SP1: variants seen among roughly 807,000 people sequenced by gnomAD.
SP1 encodes transcription factor Sp1.
Under a neutral mutation model 66.3 loss-of-function variants are expected in SP1, and 6 were observed. That is an observed-to-expected ratio of 0.09 (90% CI 0.05 to 0.18). SP1 has a LOEUF of 0.18. SP1 is among the 10% of genes least tolerant of loss of function. The pLI is 1.00. For missense variants in SP1, 848 were observed against 964.5 expected, an observed-to-expected ratio of 0.88 and a Z score of 1.60; for synonymous variants, 417 against 360.8, an observed-to-expected ratio of 1.16 and a Z score of -1.77.
chr12:53,410,667 G>A (rs1350121300), intron 5 of SP1, among the ~76,000 whole-genome samples: 3 of 151,758 alleles, frequency 2.0e-5, no homozygotes, highest in East Asian at 1.9e-4. Flanking sequence ...CACCACGCCC[G>A]GCTAATTTTT....
At chr12:53,389,151 G>T (rs564894941) in intron 3 of SP1, among the ~76,000 whole-genome samples, 13 of 151,082 alleles carry the variant, frequency 8.6e-5, no homozygotes, top group Admixed American at 6.0e-4. Flanking sequence ...TTACATGATT[G>T]TGGAAGATTG....
chr12:53,381,523 C>G, intron 1 of SP1, 136 bp from the exon 2 acceptor site: 2 of 721,370 alleles, frequency 2.8e-6, no homozygotes, highest in South Asian at 4.1e-5. Flanking sequence ...CTCTGCCCTC[C>G]AATCCATTTT....
At chr12:53,402,429 GGCC>G (rs1938626734) in intron 3 of SP1, among the ~76,000 whole-genome samples, 1 of 150,188 alleles carries the variant, frequency 6.7e-6, no homozygotes, top group Non-Finnish European at 1.5e-5. Context: ...TCACCATCTT[GGCC>G]AGGCTGGTCT....
chr12:53,409,702 T>A, intron 5 of SP1, 141 bp downstream of exon 5: 1 of 747,700 alleles, frequency 1.3e-6, no homozygotes, highest in Non-Finnish European at 2.2e-6. Context: ...GGAGTTAATC[T>A]GGAAAATTTT....
At chr12:53,403,424 C>G (rs1938656396) in intron 3 of SP1, among the ~76,000 whole-genome samples, 1 of 152,108 alleles carries the variant, frequency 6.6e-6, no homozygotes. Flanking sequence ...ACAATCAGGA[C>G]TCACTGCTGC....
chr12:53,383,329 A>T lies in SP1; in HGVS notation c.1382A>T (p.Gln461Leu). The T allele has an allele frequency of 6.2e-7, 1 of 1,614,212 alleles. No individual in the cohort carries two copies. The highest frequency in any genetic ancestry group is 8.5e-7 in the Non-Finnish European group (1 of 1,180,032). Residue 461 changes from glutamine (Q) to leucine (L), a missense_variant, in exon 3 of 6, where the codon CAG (glutamine) becomes CTG (leucine). Physicochemically the swap from Gln to Leu is moderately radical, Grantham distance 113. Around this residue, in one of 7 missense-constraint regions of SP1, gnomAD observed 606 missense variants for 589.9 expected, o/e 1.03. Transcript: ENST00000327443. ...ACACCAACAGTGGGGCCCAATGGAC[A>T]GGTCAGTTGGCAGACTCTACAGCTG... ...IRTPTVGPNG[Q>L]VSWQTLQLQN...
chr12:53,391,031 G>A (rs980134326), intron 3 of SP1, among the ~76,000 whole-genome samples: 3 of 152,100 alleles, frequency 2.0e-5, no homozygotes, highest in Admixed American at 6.6e-5. Context: ...CTGTAGGAAA[G>A]TTATTATATC....
chr12:53,396,167 GCT>G (rs1166644143), intron 3 of SP1, among the ~76,000 whole-genome samples: 2 of 151,654 alleles, frequency 1.3e-5, no homozygotes, highest in Non-Finnish European at 2.9e-5. Flanking sequence ...TGTAGTCCCA[GCT>G]ACTCAGGACG....
chr12:53,405,359 T>A (rs1938708245), intron 3 of SP1, among the ~76,000 whole-genome samples: 1 of 152,140 alleles, frequency 6.6e-6, no homozygotes, highest in South Asian at 2.1e-4. Flanking sequence ...TTATCACTAT[T>A]TGTGTATGAA....
intron 1 of SP1, among the ~76,000 whole-genome samples, 169 bp downstream of exon 1, chr12:53,380,467 G>T (rs937234276): frequency 2.6e-5 from 4 of 151,266 alleles, no homozygotes; most frequent in African/African-American, 9.7e-5. Context: ...GGGCAGTGGC[G>T]GGGCCTCCGA....
chr12:53,413,004 A>G lies in SP1; in HGVS notation c.*1764A>G, dbSNP rs1938926414. Reference sequence around the variant, plus strand: ...TTGGGGATAGGTTTTCTGCTAGCCAATATTAAAAGAGACCTGCAATAAAAA... The same window carrying G: ...TTGGGGATAGGTTTTCTGCTAGCCAGTATTAAAAGAGACCTGCAATAAAAA... On this transcript the variant is annotated 3_prime_UTR_variant, in exon 6 of 6. Coordinates refer to ENST00000327443, the MANE Select transcript of SP1 (RefSeq NM_138473.3). The G allele has an allele frequency of 6.6e-6, 1 of 152,288 alleles. No homozygotes were observed. Among genetic ancestry groups the G allele is most frequent in the South Asian group, 2.1e-4 (1 of 4,802 alleles). 9.4% of individuals were successfully genotyped at this position (152,288 alleles called of 1,614,324 possible). A position where few individuals can be genotyped will look rare whatever the true frequency, so the allele number is the denominator to read the frequency against.
At chr12:53,385,261 T>G (rs1938199742) in intron 3 of SP1, among the ~76,000 whole-genome samples, 1 of 150,010 alleles carries the variant, frequency 6.7e-6, no homozygotes, top group African/African-American at 2.5e-5. Context: ...ATCACTGCAC[T>G]CCAGCCTGGT....
At chr12:53,380,656 G>C in intron 1 of SP1, 3 of 993,052 alleles carry the variant, frequency 3.0e-6, no homozygotes, top group Non-Finnish European at 3.6e-6. Flanking sequence ...GCCCCGCCCG[G>C]GCCAACCGCC....
Position 53,406,141 on chromosome 12 carries a change from G to C in SP1, c.1676-444G>C, listed in dbSNP as rs116329431. On this transcript the variant is annotated intron_variant, in intron 3 of 5. Coordinates refer to ENST00000327443, the MANE Select transcript of SP1 (RefSeq NM_138473.3). ...GGCTGGAGTACAATGGTGCAGTCTCGCTAACTGCAACCTCCGCCTCCCGGG... is the reference window on the plus strand; with the variant it reads ...GGCTGGAGTACAATGGTGCAGTCTCCCTAACTGCAACCTCCGCCTCCCGGG... Among the ~76,000 whole-genome samples the C allele has an allele frequency of 3.6e-3, 483 of 135,492 alleles. 1 individual carries two copies. Among genetic ancestry groups the C allele is most frequent in the African/African-American group, 0.011 (410 of 36,822 alleles). 88.9% of individuals were successfully genotyped at this position (135,492 alleles called of 152,430 possible).
Position 53,382,409 on chromosome 12 carries a change from C to T in SP1, c.462C>T (p.Asn154=). The stretch of plus-strand genomic sequence containing the variant: ...AGTATGTTGTGGCTGCCGCTCCCAA[C>T]TTACAGAACCAGCAAGTTCTGACAG... ...GGQYVVAAAP[N]LQNQQVLTGL... The change falls in exon 3 of 6, where the codon AAC becomes AAT. Residue 154 remains asparagine (N), a synonymous_variant. Coordinates refer to ENST00000327443, the MANE Select transcript of SP1 (RefSeq NM_138473.3). 2.5e-6 allele frequency: 4 copies of T among 1,614,204 alleles called. No individual in the cohort carries two copies. The highest frequency in any genetic ancestry group is 3.4e-6 in the Non-Finnish European group (4 of 1,180,040).
Position 53,413,052 on chromosome 12 carries a change from G to A in SP1, c.*1812G>A, listed in dbSNP as rs1032734440. 3 of 152,452 alleles carry A rather than the reference G, an allele frequency of 2.0e-5. No homozygotes were observed. Among genetic ancestry groups the A allele is most frequent in the Admixed American group, 6.6e-5 (1 of 15,222 alleles). The allele number at this position is 152,452 out of a possible 1,614,324, so 9.4% of individuals were successfully genotyped here. A position where few individuals can be genotyped will look rare whatever the true frequency, so the allele number is the denominator to read the frequency against. The stretch of plus-strand genomic sequence containing the variant: ...AAAAATTACCCTGATCTGATAGAAA[G>A]CAAGTGTTTTTGTATGTGTGGGTGA... On this transcript the variant is annotated 3_prime_UTR_variant, in exon 6 of 6. Transcript: ENST00000327443.
chr12:53,410,866 T>C (rs961195833), intron 5 of SP1, 61 bp from the exon 6 acceptor site: 15 of 1,230,118 alleles, frequency 1.2e-5, no homozygotes, highest in Admixed American at 3.9e-5. Context: ...AAGCACTGAA[T>C]TGGGTAAGGT....
intron 5 of SP1, among the ~76,000 whole-genome samples, chr12:53,410,307 A>AAAAAT (rs531966395): frequency 3.3e-5 from 5 of 152,106 alleles, no homozygotes; most frequent in South Asian, 2.1e-4. Flanking sequence ...TCTGTCTCAA[A>AAAAAT]AAAATAAAAT....
intron 5 of SP1, 147 bp downstream of exon 5, chr12:53,409,708 AT>A (rs1938834493): frequency 2.8e-6 from 2 of 721,904 alleles, no homozygotes; most frequent in Non-Finnish European, 4.5e-6. Flanking sequence ...AATCTGGAAA[AT>A]TTTTAAGAAG....
Sources: gnomAD v4.1 joint callset for allele counts (sites outside exome capture counted in the v4.1 genomes callset) on GRCh38, gnomAD v4.1.1 for gene constraint, gnomAD v4.1.1 regional missense constraint, MANE v1.5 for transcripts, NCBI Gene and HGNC (gene_info 2026-07-23, HGNC 2026-07-21) for gene names.